TBC1D9B: variants seen among roughly 807,000 people sequenced by gnomAD.
TBC1D9B encodes the protein TBC1 domain family member 9B.
In TBC1D9B, 87 loss-of-function variants were observed where a neutral mutation model predicts 121.1. The observed-to-expected ratio is 0.72, with a 90% CI of 0.60 to 0.86. TBC1D9B has a LOEUF of 0.86. TBC1D9B is among the 40% of genes least tolerant of loss of function. TBC1D9B has a pLI of 0.00. For synonymous variants in TBC1D9B, 668 were observed against 670.1 expected, an observed-to-expected ratio of 1.00 and a Z score of 0.05; for missense variants, 1,540 against 1,628.6, an observed-to-expected ratio of 0.95 and a Z score of 0.94.
In TBC1D9B at chr5:179,862,510, T is replaced by C. The variant is rs1759873584; in HGVS notation, c.*938A>G. ...CACAACCCCTGCCCATGAAGACCTG[T>C]GGAGCTCAGGGCATCCCCTGATGCA... is the stretch of plus-strand genomic sequence containing the variant. On this transcript the variant is annotated 3_prime_UTR_variant, in exon 21 of 21. Transcript: ENST00000355235. The C allele has an allele frequency of 2.2e-6, 1 of 453,380 alleles. No individual in the cohort carries two copies. Among genetic ancestry groups the C allele is most frequent in the African/African-American group, 2.0e-5 (1 of 50,050 alleles). The allele number at this position is 453,380 out of a possible 1,614,324, so 28.1% of individuals were successfully genotyped here. A position where few individuals can be genotyped will look rare whatever the true frequency, so the allele number is the denominator to read the frequency against.
At chr5:179,901,067 A>C (rs1270385088) in intron 2 of TBC1D9B, among the ~76,000 whole-genome samples, 3 of 152,176 alleles carry the variant, frequency 2.0e-5, no homozygotes, top group African/African-American at 7.2e-5. Flanking sequence ...CTCCTCAAGC[A>C]GACCCTGACC....
In TBC1D9B at chr5:179,865,314, C is replaced by T; in HGVS notation, c.2961G>A (p.Met987Ile). The T allele has an allele frequency of 4.3e-6, 7 of 1,614,126 alleles. No individual in the cohort carries two copies. Among genetic ancestry groups the T allele is most frequent in the Admixed American group, 1.7e-5 (1 of 60,032 alleles). ...TCTGAGCCTCTTTCTCCTTGGCCCA[C>T]ATTCGAAGGTAGTGCCGATAGTCCG... ...SSPDYRHYLRMWAKEKEAQKE... is the reference protein window; with the variant it reads ...SSPDYRHYLRIWAKEKEAQKE... Residue 987 changes from methionine (M) to isoleucine (I), a missense_variant, in exon 20 of 21, where the codon ATG becomes ATA. Physicochemically the swap from Met to Ile is conservative, Grantham distance 10. Transcript: ENST00000355235. This position sits in a 1 kb window ranked among gnomAD's most constrained non-coding sequence, Gnocchi z 5.1.
intron 2 of TBC1D9B, among the ~76,000 whole-genome samples, chr5:179,900,153 G>A (rs1761126954): frequency 6.6e-6 from 1 of 152,156 alleles, no homozygotes; most frequent in Non-Finnish European, 1.5e-5. Context: ...CTGGGAGGCG[G>A]AGGCTACAGT....
chr5:179,875,805 C>CT lies in TBC1D9B; in HGVS notation c.1900+114dup. 2 of 761,534 alleles carry CT rather than the reference C, an allele frequency of 2.6e-6. No individual in the cohort carries two copies. The highest frequency in any genetic ancestry group is 4.1e-6 in the Non-Finnish European group (2 of 488,436). The allele number at this position is 761,534 out of a possible 1,614,324, so 47.2% of individuals were successfully genotyped here. On this transcript the variant is annotated intron_variant, in intron 11 of 20. Transcript: ENST00000355235. The surrounding 1 kb of genome is among the most constrained non-coding windows in gnomAD (Gnocchi z 4.5). ...ACCACCGAATGTGTAATACTACCCTCTAACTCCTAGGGAACCCACGTGAAG... is the reference window on the plus strand; with the variant it reads ...ACCACCGAATGTGTAATACTACCCTCTTAACTCCTAGGGAACCCACGTGAAG...
In TBC1D9B at chr5:179,904,874, C is replaced by G; in HGVS notation, c.119-62G>C. 1 of 1,338,064 alleles carries G rather than the reference C, an allele frequency of 7.5e-7. No homozygotes were observed. The highest frequency in any genetic ancestry group is 1.0e-6 in the Non-Finnish European group (1 of 977,174). 82.9% of individuals were successfully genotyped at this position (1,338,064 alleles called of 1,614,324 possible). ...AGGGCCGGACTGAGGCCCCTGAAGG[C>G]TGAGTCTGGCCGGAGGCAGACAGGA... On this transcript the variant is annotated intron_variant, in intron 1 of 20. Coordinates refer to ENST00000355235, the MANE Select transcript of TBC1D9B (RefSeq NM_015043.4). This position sits in a 1 kb window ranked among gnomAD's most constrained non-coding sequence, Gnocchi z 4.2.
intron 20 of TBC1D9B, 116 bp from the exon 21 acceptor site, chr5:179,864,244 A>G (rs1405953112): frequency 9.7e-7 from 1 of 1,034,804 alleles, no homozygotes; most frequent in Non-Finnish European, 1.4e-6. Flanking sequence ...CCGTCTTGCT[A>G]ATCATCTCCA....
intron 1 of TBC1D9B, among the ~76,000 whole-genome samples, chr5:179,905,440 CA>C (rs143958837): frequency 0.024 from 3,678 of 152,226 alleles, 108 homozygotes; most frequent in African/African-American, 0.077. Flanking sequence ...CTTTTAGCCT[CA>C]AAAAATCATA....
In TBC1D9B at chr5:179,902,985, G is replaced by A. The variant is rs1761204282; in HGVS notation, c.229+1717C>T. Among the ~76,000 whole-genome samples, 1 of 152,162 alleles carries A rather than the reference G, an allele frequency of 6.6e-6. No homozygotes were observed. The highest frequency in any genetic ancestry group is 2.4e-5 in the African/African-American group (1 of 41,442). On this transcript the variant is annotated intron_variant, in intron 2 of 20. Transcript: ENST00000355235. This position sits in a 1 kb window ranked among gnomAD's most constrained non-coding sequence, Gnocchi z 4.9. ...CGTGCAGAGCGCCCACCTGGGAGTGGGGCTATTCCCGGGGTGCCGCCCGCC... is the reference window on the plus strand; with the variant it reads ...CGTGCAGAGCGCCCACCTGGGAGTGAGGCTATTCCCGGGGTGCCGCCCGCC...
rs1760158649 is a variant in TBC1D9B at position 179,870,468 on chromosome 5, C to G, written c.2512G>C (p.Gly838Arg). Reference sequence around the variant, plus strand: ...CGGCCGGCCATTGTGCGGCTGCACCCCCAGTACTGGCTAGCCAGGTGCTTG... The same window carrying G: ...CGGCCGGCCATTGTGCGGCTGCACCGCCAGTACTGGCTAGCCAGGTGCTTG... ...KAKHLASQYWGCSRTMAGRRD... is the reference protein window; with the variant it reads ...KAKHLASQYWRCSRTMAGRRD... Residue 838 changes from glycine to arginine, a missense_variant, in exon 16 of 21, where the codon GGG becomes CGG. Physicochemically the swap from Gly to Arg is moderately radical, Grantham distance 125. Coordinates refer to ENST00000355235, the MANE Select transcript of TBC1D9B (RefSeq NM_015043.4). The G allele has an allele frequency of 6.2e-7, 1 of 1,611,696 alleles. No individual in the cohort carries two copies. Among genetic ancestry groups the G allele is most frequent in the African/African-American group, 1.3e-5 (1 of 74,938 alleles).
At chr5:179,895,749 G>A (rs1195642095) in intron 3 of TBC1D9B, among the ~76,000 whole-genome samples, 1 of 152,234 alleles carries the variant, frequency 6.6e-6, no homozygotes, top group Non-Finnish European at 1.5e-5. Flanking sequence ...CGATCCCTCT[G>A]TCCATGGGCA....
Position 179,894,406 on chromosome 5 carries a change from G to A in TBC1D9B, c.557C>T (p.Ser186Phe), listed in dbSNP as rs933889650. ...CTCACCTTCCTTCCCCAGCAGGAAG[G>A]AGTAGAAGCACAGGTGGTTGACCGT... is the stretch of plus-strand genomic sequence containing the variant. ...YLTVNHLCFY[S>F]FLLGKEVSLV... Residue 186 changes from serine to phenylalanine, a missense_variant, in exon 4 of 21, where the codon TCC becomes TTC. Ser to Phe is a radical substitution (Grantham distance 155, BLOSUM62 -2). Coordinates refer to ENST00000355235, the MANE Select transcript of TBC1D9B (RefSeq NM_015043.4). The A allele has an allele frequency of 1.2e-6, 2 of 1,613,524 alleles. No individual in the cohort carries two copies. The highest frequency in any genetic ancestry group is 2.7e-5 in the African/African-American group (2 of 74,908).
chr5:179,873,634 G>A (rs1760268837), intron 12 of TBC1D9B, among the ~76,000 whole-genome samples: 1 of 152,210 alleles, frequency 6.6e-6, no homozygotes, highest in Admixed American at 6.5e-5. Context: ...GAAGATTCAG[G>A]GATCAAAGGT....
rs1299990806 is a variant in TBC1D9B, at chr5:179,907,671, G to A, written c.118+33C>T. ...GCCCCGCCGCCAGCCCAGCCGCGGC[G>A]CCCACAGGCCCGGCCGCCCGCGCGC... On this transcript the variant is annotated intron_variant, in intron 1 of 20. Coordinates refer to ENST00000355235, the MANE Select transcript of TBC1D9B (RefSeq NM_015043.4). The surrounding 1 kb of genome is among the most constrained non-coding windows in gnomAD (Gnocchi z 5.3). 5.1e-6 allele frequency: 5 copies of A among 982,588 alleles called. No homozygotes were observed. Among genetic ancestry groups the A allele is most frequent in the Non-Finnish European group, 2.4e-6 (2 of 824,910 alleles). The allele number at this position is 982,588 out of a possible 1,614,324, so 60.9% of individuals were successfully genotyped here.
At position 179,891,221 on chromosome 5, in the gene TBC1D9B, C is replaced by T. The variant is rs1230688632; in HGVS notation, c.1044+158G>A. Among the ~76,000 whole-genome samples the T allele has an allele frequency of 6.6e-6, 1 of 152,206 alleles. No individual in the cohort carries two copies. Among genetic ancestry groups the T allele is most frequent in the Admixed American group, 6.5e-5 (1 of 15,286 alleles). ...AGGGGCTCACTTGTCCTACACCCTCCACCTGTCCCATCACTGAGTGACATG... is the reference window on the plus strand; with the variant it reads ...AGGGGCTCACTTGTCCTACACCCTCTACCTGTCCCATCACTGAGTGACATG... On this transcript the variant is annotated intron_variant, in intron 6 of 20. Coordinates refer to ENST00000355235, the MANE Select transcript of TBC1D9B (RefSeq NM_015043.4). The surrounding 1 kb of genome is among the most constrained non-coding windows in gnomAD (Gnocchi z 4.3).
chr5:179,864,227 T>G, intron 20 of TBC1D9B, 99 bp from the exon 21 acceptor site: 2 of 1,232,436 alleles, frequency 1.6e-6, no homozygotes, highest in Non-Finnish European at 2.2e-6. Flanking sequence ...CCTAAGGATG[T>G]TGGCTGCCGT....
At chr5:179,867,648 G>A in intron 18 of TBC1D9B, 130 bp downstream of exon 18, 2 of 1,500,490 alleles carry the variant, frequency 1.3e-6, no homozygotes, top group South Asian at 2.3e-5. Flanking sequence ...GTGGTCCCCT[G>A]GGGAGAACCC....
At chr5:179,869,208 C>T (rs1206769155) in intron 17 of TBC1D9B, 5 of 223,502 alleles carry the variant, frequency 2.2e-5, no homozygotes, top group South Asian at 5.9e-5. Flanking sequence ...CACCTGCCTG[C>T]GCCTTTGTTT....
chr5:179,895,486 G>A (rs1376296879), intron 3 of TBC1D9B, among the ~76,000 whole-genome samples: 1 of 152,070 alleles, frequency 6.6e-6, no homozygotes, highest in Non-Finnish European at 1.5e-5. Context: ...CTGCCTCTTG[G>A]CCCTGCACAC....
rs559739213 is a variant in TBC1D9B at position 179,875,786 on chromosome 5, G to A, written c.1900+134C>T. On this transcript the variant is annotated intron_variant, in intron 11 of 20. Coordinates refer to ENST00000355235, the MANE Select transcript of TBC1D9B (RefSeq NM_015043.4). This position sits in a 1 kb window ranked among gnomAD's most constrained non-coding sequence, Gnocchi z 4.5. ...TCTGAGGGGACTTTTATAAACCACC[G>A]AATGTGTAATACTACCCTCTAACTC... 9.8e-6 allele frequency: 6 copies of A among 610,222 alleles called. No individual in the cohort carries two copies. The highest frequency in any genetic ancestry group is 4.5e-4 in the Middle Eastern group (1 of 2,200). The allele number at this position is 610,222 out of a possible 1,614,324, so 37.8% of individuals were successfully genotyped here.
Sources: gnomAD v4.1 joint callset for allele counts (sites outside exome capture counted in the v4.1 genomes callset) on GRCh38, gnomAD v4.1.1 for gene constraint, Gnocchi (gnomAD v3.1) non-coding constraint, MANE v1.5 for transcripts, NCBI Gene and HGNC (gene_info 2026-07-23, HGNC 2026-07-21) for gene names.